RIMS1: variants seen among roughly 807,000 people sequenced by gnomAD.
RIMS1 encodes regulating synaptic membrane exocytosis protein 1.
RIMS1 carries 83 observed loss-of-function variants against 214.1 expected under a neutral mutation model. That is an observed-to-expected ratio of 0.39 (90% confidence interval 0.32 to 0.47). The LOEUF is 0.47. Ranked by LOEUF, RIMS1 falls within the 20% of genes least tolerant of loss-of-function variation. The pLI, the probability that RIMS1 is intolerant of heterozygous loss-of-function variation, is 0.99. For synonymous variants in RIMS1, 793 were observed against 786.8 expected, an observed-to-expected ratio of 1.01 and a Z score of -0.13; for missense variants, 2,050 against 2,161.8, an observed-to-expected ratio of 0.95 and a Z score of 1.03.
intron 26 of RIMS1, among the ~76,000 whole-genome samples, chr6:72,300,563 G>C (rs1201611091): frequency 6.6e-6 from 1 of 151,686 alleles, no homozygotes; most frequent in East Asian, 1.9e-4. Flanking sequence ...GATTGGTTTT[G>C]TTATCCCCCA....
intron 10 of RIMS1, 72 bp downstream of exon 10, chr6:72,242,509 A>G: frequency 2.8e-6 from 3 of 1,054,878 alleles, no homozygotes; most frequent in East Asian, 2.6e-5. Flanking sequence ...AAAGAATTTT[A>G]TACATTCATA....
intron 1 of RIMS1, among the ~76,000 whole-genome samples, chr6:71,908,406 C>G (rs1775899614): frequency 6.6e-6 from 1 of 152,100 alleles, no homozygotes; most frequent in Admixed American, 6.6e-5. Flanking sequence ...GAACCCAGCC[C>G]TTTGTGCCAT....
intron 1 of RIMS1, among the ~76,000 whole-genome samples, chr6:71,901,192 A>G (rs532525534): frequency 6.6e-6 from 1 of 152,192 alleles, no homozygotes; most frequent in East Asian, 1.9e-4. Flanking sequence ...GCCACTTGAG[A>G]AAACTCTGGC....
At chr6:72,096,908 C>T in intron 2 of RIMS1, 41 bp from the exon 3 acceptor site, 1 of 1,499,500 alleles carries the variant, frequency 6.7e-7, no homozygotes. Context: ...TTTTGTCTTC[C>T]ACTATTTACT....
intron 28 of RIMS1, among the ~76,000 whole-genome samples, chr6:72,315,641 T>C (rs1270715799): frequency 6.6e-6 from 1 of 152,138 alleles, no homozygotes; most frequent in Non-Finnish European, 1.5e-5. Flanking sequence ...AGTTATCCCT[T>C]CATATGCATT....
intron 22 of RIMS1, among the ~76,000 whole-genome samples, chr6:72,269,310 G>A (rs903258107): frequency 6.6e-6 from 1 of 152,076 alleles, no homozygotes; most frequent in Non-Finnish European, 1.5e-5. Flanking sequence ...CCTCTGTTAT[G>A]ATGTCTGCTT....
At chr6:72,365,213 G>A (rs978082878) in intron 29 of RIMS1, among the ~76,000 whole-genome samples, 3 of 152,230 alleles carry the variant, frequency 2.0e-5, no homozygotes, top group African/African-American at 7.2e-5. Flanking sequence ...GCTTGAGGAA[G>A]CCATTCTTTT....
At chr6:72,200,857 TTGTGTGTGTGTGTGTG>T (rs70994114) in intron 6 of RIMS1, among the ~76,000 whole-genome samples, 6 of 146,156 alleles carry the variant, frequency 4.1e-5, no homozygotes, top group African/African-American at 1.0e-4. Flanking sequence ...AAGGACACAA[TTGTGTGTGTGTGTGTG>T]TGTGTGTGTG....
At chr6:72,109,802 C>T (rs2035640776) in intron 4 of RIMS1, among the ~76,000 whole-genome samples, 2 of 152,170 alleles carry the variant, frequency 1.3e-5, no homozygotes, top group Admixed American at 6.5e-5. Flanking sequence ...ATGGTAATGC[C>T]TAGGTTTTCT....
At chr6:72,348,706 CT>C (rs887465139) in intron 29 of RIMS1, among the ~76,000 whole-genome samples, 2 of 151,750 alleles carry the variant, frequency 1.3e-5, no homozygotes, top group African/African-American at 4.8e-5. Context: ...CCGATAGGTA[CT>C]TTTTTTCAGC....
In RIMS1 at chr6:72,398,359, A is replaced by G; in HGVS notation, c.4720+9A>G. ...TTCCAAATCTACACCTGGTAAGGAG[A>G]AGTATTCCTGAATTTGGTGAAGGGA... On this transcript the variant is annotated intron_variant, in intron 32 of 33. Coordinates refer to ENST00000521978, the MANE Select transcript of RIMS1 (RefSeq NM_014989.7). 1 of 1,556,242 alleles carries G rather than the reference A, an allele frequency of 6.4e-7. No individual in the cohort carries two copies. The highest frequency in any genetic ancestry group is 2.3e-5 in the East Asian group (1 of 44,122).
chr6:72,010,122 C>T (rs766534012), intron 2 of RIMS1, among the ~76,000 whole-genome samples: 28 of 152,246 alleles, frequency 1.8e-4, no homozygotes, highest in Non-Finnish European at 3.5e-4. Context: ...CATCAAAAAG[C>T]TTATCCACCA....
intron 4 of RIMS1, among the ~76,000 whole-genome samples, chr6:72,122,990 T>C (rs2038731219): frequency 2.0e-5 from 3 of 151,912 alleles, no homozygotes; most frequent in African/African-American, 7.2e-5. Flanking sequence ...TGCTCAGATC[T>C]TAGTTTTTTC....
At chr6:72,072,316 G>A (rs2152307570) in intron 2 of RIMS1, among the ~76,000 whole-genome samples, 1 of 152,260 alleles carries the variant, frequency 6.6e-6, no homozygotes, top group East Asian at 1.9e-4. Context: ...CCAAGATATG[G>A]CTTCCAGGAG....
chr6:72,188,125 T>G (rs565173329), intron 6 of RIMS1, among the ~76,000 whole-genome samples: 12 of 150,860 alleles, frequency 8.0e-5, no homozygotes, highest in African/African-American at 2.9e-4. Flanking sequence ...CTGTGCAGAT[T>G]GAGTGTGGGT....
intron 8 of RIMS1, among the ~76,000 whole-genome samples, chr6:72,237,237 A>AAAGG (rs904539656): frequency 6.6e-6 from 1 of 151,428 alleles, no homozygotes. Context: ...GAGAAAAAAA[A>AAAGG]AAGGAAGGAA....
At chr6:72,359,481 T>A (rs1313343003) in intron 29 of RIMS1, among the ~76,000 whole-genome samples, 2 of 152,142 alleles carry the variant, frequency 1.3e-5, no homozygotes, top group Non-Finnish European at 2.9e-5. Flanking sequence ...ATTTGCTTTT[T>A]TTTTTTCTTT....
intron 29 of RIMS1, among the ~76,000 whole-genome samples, chr6:72,338,438 G>A (rs567986712): frequency 6.6e-6 from 1 of 152,098 alleles, no homozygotes; most frequent in African/African-American, 2.4e-5. Flanking sequence ...AACACCAAAA[G>A]CAATGGCAAC....
At chr6:72,258,358 CTG>C (rs2076720474) in intron 17 of RIMS1, 77 bp downstream of exon 17, 1 of 1,327,768 alleles carries the variant, frequency 7.5e-7, no homozygotes, top group Non-Finnish European at 1.0e-6. Context: ...GCAAAACTAA[CTG>C]AAATGAAAAA....
Sources: gnomAD v4.1 joint callset for allele counts (sites outside exome capture counted in the v4.1 genomes callset) on GRCh38, gnomAD v4.1.1 for gene constraint, MANE v1.5 for transcripts, NCBI Gene and HGNC (gene_info 2026-07-23, HGNC 2026-07-21) for gene names.